BMPR1A: variants seen among roughly 807,000 people sequenced by gnomAD.
The protein encoded by BMPR1A is bone morphogenetic protein receptor type-1A.
BMPR1A carries 7 observed loss-of-function variants against 66.0 expected under a neutral mutation model. The observed-to-expected ratio is 0.11, with a 90% CI of 0.06 to 0.20. The LOEUF (loss-of-function observed/expected upper bound fraction) is 0.20, where lower values mean the gene tolerates loss of function less well. BMPR1A is among the 10% of genes least tolerant of loss of function. BMPR1A has a pLI of 1.00. For missense variants in BMPR1A, 408 were observed against 669.1 expected (o/e 0.61, Z 4.31); for synonymous variants, 200 against 229.7 (o/e 0.87, Z 1.17).
chr10:86,773,604 A>G lies in BMPR1A; in HGVS notation c.-268+16685A>G, dbSNP rs1265407845. On this transcript the variant is annotated intron_variant, in intron 1 of 12. Transcript: ENST00000372037. ...AAGACTCCGTCTCAGAAAGAAAAAA[A>G]AAAAAAAAAAAAACACAACACCAGA... Among the ~76,000 whole-genome samples the G allele has an allele frequency of 3.6e-3, 537 of 151,064 alleles. 3 individuals carry two copies. The highest frequency in any genetic ancestry group is 0.012 in the African/African-American group (506 of 41,300).
At chr10:86,819,748 T>G (rs759548167) in intron 1 of BMPR1A, among the ~76,000 whole-genome samples, 1 of 152,224 alleles carries the variant, frequency 6.6e-6, no homozygotes, top group African/African-American at 2.4e-5. Flanking sequence ...GTTGTTATCC[T>G]TGGAATTACC....
At chr10:86,769,764 A>G (rs1841222165) in intron 1 of BMPR1A, among the ~76,000 whole-genome samples, 1 of 152,330 alleles carries the variant, frequency 6.6e-6, no homozygotes, top group South Asian at 2.1e-4. Flanking sequence ...GAGGTTAAGA[A>G]TACTAGCAGA....
intron 4 of BMPR1A, among the ~76,000 whole-genome samples, chr10:86,891,306 A>G (rs1843147462): frequency 6.6e-6 from 1 of 152,182 alleles, no homozygotes; most frequent in Non-Finnish European, 1.5e-5. Context: ...GCCTGATGTA[A>G]TGGGCTGTCT....
At chr10:86,858,687 A>G (rs1842676833) in intron 2 of BMPR1A, among the ~76,000 whole-genome samples, 1 of 152,220 alleles carries the variant, frequency 6.6e-6, no homozygotes. Context: ...TCCATTTACA[A>G]AAGCTACCAA....
At chr10:86,836,812 A>AT (rs1842354687) in intron 1 of BMPR1A, among the ~76,000 whole-genome samples, 1 of 152,150 alleles carries the variant, frequency 6.6e-6, no homozygotes, top group African/African-American at 2.4e-5. Context: ...ATGTACCTGT[A>AT]GTCCCAGCTA....
chr10:86,797,825 A>G (rs1841745973), intron 1 of BMPR1A, among the ~76,000 whole-genome samples: 1 of 152,134 alleles, frequency 6.6e-6, no homozygotes. Context: ...CTGTTAATGC[A>G]TGAGACCCGG....
intron 2 of BMPR1A, chr10:86,855,970 G>T: frequency 1.6e-6 from 1 of 625,116 alleles, no homozygotes; most frequent in South Asian, 1.7e-5. Context: ...TTTCCAGAAT[G>T]GCCACTTTGC....
At chr10:86,863,418 G>A (rs1424954429) in intron 2 of BMPR1A, among the ~76,000 whole-genome samples, 1 of 152,136 alleles carries the variant, frequency 6.6e-6, no homozygotes, top group Non-Finnish European at 1.5e-5. Flanking sequence ...ACTCAAGTGT[G>A]CCTTTCCCTT....
intron 2 of BMPR1A, among the ~76,000 whole-genome samples, chr10:86,839,760 C>T (rs1169453606): frequency 6.6e-6 from 1 of 151,578 alleles, no homozygotes; most frequent in Non-Finnish European, 1.5e-5. Context: ...TGGGCTCAAG[C>T]GATCCTTCTG....
In BMPR1A at chr10:86,917,256, T is replaced by G. The variant is rs1439711488; in HGVS notation, c.798T>G (p.Thr266=). 1 of 1,613,964 alleles carries G rather than the reference T, an allele frequency of 6.2e-7. No homozygotes were observed. Among genetic ancestry groups the G allele is most frequent in the Admixed American group, 1.7e-5 (1 of 60,012 alleles). The change falls in exon 9 of 13, where the codon ACT becomes ACG. Residue 266 remains threonine (T), a synonymous_variant. Coordinates refer to ENST00000372037, the MANE Select transcript of BMPR1A (RefSeq NM_004329.3). ...EKVAVKVFFT[T]EEASWFRETE... The stretch of plus-strand genomic sequence containing the variant: ...TGGCGGTGAAAGTATTCTTTACCAC[T>G]GAAGAAGCCAGCTGGTTTCGAGAAA...
intron 1 of BMPR1A, among the ~76,000 whole-genome samples, chr10:86,814,050 A>G (rs1350865876): frequency 6.6e-6 from 1 of 151,910 alleles, no homozygotes; most frequent in East Asian, 1.9e-4. Flanking sequence ...AAATTACTTG[A>G]TGTTTTTGCC....
At chr10:86,777,916 G>A (rs1476707579) in intron 1 of BMPR1A, among the ~76,000 whole-genome samples, 1 of 151,796 alleles carries the variant, frequency 6.6e-6, no homozygotes, top group Non-Finnish European at 1.5e-5. Flanking sequence ...GGGATGCTGA[G>A]GCAGGAGAAT....
intron 1 of BMPR1A, among the ~76,000 whole-genome samples, chr10:86,784,772 A>C (rs1841493490): frequency 6.6e-6 from 1 of 152,022 alleles, no homozygotes; most frequent in African/African-American, 2.4e-5. Flanking sequence ...CATTTCTTCT[A>C]GGTTGTCTAA....
rs1187954111 is a variant in BMPR1A, at chr10:86,790,183, AAAAAAATATATATATATAT to A, written c.-268+33266_-268+33284del. On this transcript the variant is annotated intron_variant, in intron 1 of 12. Coordinates refer to ENST00000372037, the MANE Select transcript of BMPR1A (RefSeq NM_004329.3). ...TCTCCAAAAAAAAAAAAAAAAAAAAAAAAAAATATATATATATATATATATATATATATATATATATATA... is the reference window on the plus strand; with the variant it reads ...TCTCCAAAAAAAAAAAAAAAAAAAAAATATATATATATATATATATATATA... 7.8e-4 allele frequency among the ~76,000 whole-genome samples: 31 copies of A among 39,576 alleles called. 2 individuals are homozygous for A. Among genetic ancestry groups the A allele is most frequent in the African/African-American group, 4.5e-3 (27 of 5,948 alleles). 26.0% of individuals were successfully genotyped at this position (39,576 alleles called of 152,430 possible).
At chr10:86,869,386 G>A (rs889007665) in intron 2 of BMPR1A, among the ~76,000 whole-genome samples, 10 of 151,146 alleles carry the variant, frequency 6.6e-5, no homozygotes, top group African/African-American at 2.4e-4. Context: ...GAACCCAGGA[G>A]GTGAAGGTTG....
In BMPR1A at chr10:86,819,639, A is replaced by G. The variant is rs1842091044; in HGVS notation, c.-267-19226A>G. Among the ~76,000 whole-genome samples the G allele has an allele frequency of 2.0e-5, 3 of 152,178 alleles. No individual in the cohort carries two copies. In the South Asian group the frequency reaches 6.2e-4, roughly 32 times the overall value. On this transcript the variant is annotated intron_variant, in intron 1 of 12. Transcript: ENST00000372037. The stretch of plus-strand genomic sequence containing the variant: ...ATAGCAAACTAGTTTTTATTGTCAA[A>G]TTAGAAATTTATGCTTGAAGCCTAG...
At chr10:86,928,220 CTTTTTT>C (rs71477622), downstream of BMPR1A, 1 of 118,636 alleles carries the variant, frequency 8.4e-6, no homozygotes, top group Non-Finnish European at 1.7e-5. Flanking sequence ...TTTCTTTTTC[CTTTTTT>C]TTTTTTTTTT....
intron 2 of BMPR1A, among the ~76,000 whole-genome samples, chr10:86,874,365 T>C (rs924784916): frequency 6.6e-6 from 1 of 152,166 alleles, no homozygotes; most frequent in Non-Finnish European, 1.5e-5. Flanking sequence ...AGGAAATAAT[T>C]TCTTTAAGAT....
chr10:86,765,484 A>C (rs567059673), intron 1 of BMPR1A, among the ~76,000 whole-genome samples: 1,200 of 42,944 alleles, frequency 0.028, 3 homozygotes, highest in Non-Finnish European at 0.036. Context: ...ACTCTGTCTC[A>C]AAAAAAAAAA....
Sources: gnomAD v4.1 joint callset for allele counts (sites outside exome capture counted in the v4.1 genomes callset) on GRCh38, gnomAD v4.1.1 for gene constraint, MANE v1.5 for transcripts, NCBI Gene and HGNC (gene_info 2026-07-23, HGNC 2026-07-21) for gene names.